PKNOX2: variants seen among roughly 807,000 people sequenced by gnomAD.
PKNOX2 encodes the protein PBX/knotted 1 homeobox 2, also known as homeobox protein PKNOX2.
Under a neutral mutation model 53.1 loss-of-function variants are expected in PKNOX2, and 14 were observed. That is an observed-to-expected ratio of 0.26 (90% CI 0.17 to 0.41). The LOEUF (loss-of-function observed/expected upper bound fraction) is 0.41. Ranked by LOEUF, PKNOX2 falls within the 10% of genes least tolerant of loss-of-function variation. The probability of loss-of-function intolerance (pLI) is 1.00; values close to 1 mark genes in which losing one functional copy is unlikely to be tolerated. For synonymous variants in PKNOX2, 257 were observed against 242.8 expected, an observed-to-expected ratio of 1.06 and a Z score of -0.54; for missense variants, 496 against 602.8, an observed-to-expected ratio of 0.82 and a Z score of 1.85.
chr11:125,348,124 CAA>C (rs1951091270), intron 3 of PKNOX2, among the ~76,000 whole-genome samples: 1 of 152,190 alleles, frequency 6.6e-6, no homozygotes, highest in East Asian at 1.9e-4. Flanking sequence ...CGCTGTGGCT[CAA>C]AGAGTTCCCC....
At chr11:125,231,742 A>G (rs980861973) in intron 1 of PKNOX2, among the ~76,000 whole-genome samples, 6 of 149,686 alleles carry the variant, frequency 4.0e-5, no homozygotes, top group Non-Finnish European at 7.4e-5. Flanking sequence ...GTGTGTGTGG[A>G]GAGAGAGAGA....
chr11:125,202,446 C>T (rs1321823665), intron 1 of PKNOX2, among the ~76,000 whole-genome samples: 1 of 152,224 alleles, frequency 6.6e-6, no homozygotes, highest in Non-Finnish European at 1.5e-5. Context: ...GACCCCATAC[C>T]CTCCAGGGAT....
rs1443926700 is a variant in PKNOX2, at chr11:125,368,016, C to T, written c.227+31C>T. 2 of 1,596,776 alleles carry T rather than the reference C, an allele frequency of 1.3e-6. 1 individual carries two copies. The highest frequency in any genetic ancestry group is 2.3e-5 in the South Asian group (2 of 88,392). ...AGACACTTCAGCTGTGTCTACAGCC[C>T]TCAACCAGCTTCAGGCCCAGCTCAG... On this transcript the variant is annotated intron_variant, in intron 5 of 12. Transcript: ENST00000298282.
intron 2 of PKNOX2, among the ~76,000 whole-genome samples, chr11:125,238,424 G>C (rs887427403): frequency 6.6e-6 from 1 of 152,198 alleles, no homozygotes; most frequent in African/African-American, 2.4e-5. Flanking sequence ...TATGTTATGG[G>C]ATGATGTTAT....
intron 4 of PKNOX2, among the ~76,000 whole-genome samples, chr11:125,359,095 A>AGACACCATCGGAAAGGCAGGAAGGTG (rs1311473324): frequency 0.026 from 3,730 of 145,590 alleles, 81 homozygotes; most frequent in East Asian, 0.065. Flanking sequence ...GCAGGAAGGT[A>AGACACCATCGGAAAGGCAGGAAGGTG]GACACCATCG....
intron 2 of PKNOX2, among the ~76,000 whole-genome samples, chr11:125,268,433 A>G (rs1945524450): frequency 6.6e-6 from 1 of 152,252 alleles, no homozygotes; most frequent in Admixed American, 6.5e-5. Flanking sequence ...CTCTGGGGTC[A>G]AACGTGGCAT....
intron 2 of PKNOX2, among the ~76,000 whole-genome samples, chr11:125,308,159 T>G (rs1327637061): frequency 6.6e-6 from 1 of 152,210 alleles, no homozygotes; most frequent in African/African-American, 2.4e-5. Flanking sequence ...TGGGATGGCC[T>G]TCCTTAGAAT....
intron 7 of PKNOX2, among the ~76,000 whole-genome samples, chr11:125,404,435 G>A (rs1954947434): frequency 6.6e-6 from 1 of 152,194 alleles, no homozygotes; most frequent in Non-Finnish European, 1.5e-5. Context: ...ACAAGAACAG[G>A]ATTAGGTGGC....
intron 1 of PKNOX2, among the ~76,000 whole-genome samples, chr11:125,222,882 C>A (rs1197945928): frequency 6.6e-6 from 1 of 152,038 alleles, no homozygotes; most frequent in Non-Finnish European, 1.5e-5. Context: ...GGTGACCCAG[C>A]AACTGGAGGA....
At chr11:125,317,313 T>A (rs754904446) in intron 2 of PKNOX2, among the ~76,000 whole-genome samples, 9 of 152,226 alleles carry the variant, frequency 5.9e-5, no homozygotes, top group Non-Finnish European at 1.2e-4. Context: ...CCTCCTCCCA[T>A]GAATCATGAA....
Position 125,431,590 on chromosome 11 carries a change from C to A in PKNOX2, c.*198C>A. 1 of 632,326 alleles carries A rather than the reference C, an allele frequency of 1.6e-6. No homozygotes were observed. Among genetic ancestry groups the A allele is most frequent in the Non-Finnish European group, 2.7e-6 (1 of 371,868 alleles). 39.2% of individuals were successfully genotyped at this position (632,326 alleles called of 1,614,324 possible). A position where few individuals can be genotyped will look rare whatever the true frequency, so the allele number is the denominator to read the frequency against. On this transcript the variant is annotated 3_prime_UTR_variant, in exon 13 of 13. Coordinates refer to ENST00000298282, the MANE Select transcript of PKNOX2 (RefSeq NM_001382323.2). The stretch of plus-strand genomic sequence containing the variant: ...CCGAGCTTCAATGAGGACCCCAGCC[C>A]CACTTCCCTGGAACTGCCGAGGACT...
intron 1 of PKNOX2, among the ~76,000 whole-genome samples, chr11:125,226,019 C>A (rs1941653145): frequency 6.6e-6 from 1 of 152,260 alleles, no homozygotes; most frequent in Non-Finnish European, 1.5e-5. Flanking sequence ...GGTGTGGCAA[C>A]TTGCCTCCTC....
intron 2 of PKNOX2, among the ~76,000 whole-genome samples, chr11:125,278,572 G>A (rs567121983): frequency 9.9e-5 from 15 of 152,158 alleles, no homozygotes; most frequent in East Asian, 9.6e-4. Flanking sequence ...TGAGGGCCTC[G>A]GGATGGCCGG....
chr11:125,173,957 G>T (rs1955515063), intron 1 of PKNOX2, among the ~76,000 whole-genome samples: 1 of 152,204 alleles, frequency 6.6e-6, no homozygotes, highest in African/African-American at 2.4e-5. Flanking sequence ...ATGGGTCTGT[G>T]CTGGAGTAGT....
At chr11:125,267,681 T>C (rs1945463839) in intron 2 of PKNOX2, among the ~76,000 whole-genome samples, 1 of 152,232 alleles carries the variant, frequency 6.6e-6, no homozygotes, top group African/African-American at 2.4e-5. Flanking sequence ...CCTGCTCATC[T>C]TTCTGATGGA....
intron 3 of PKNOX2, among the ~76,000 whole-genome samples, chr11:125,343,386 C>CTTT (rs71462895): frequency 6.7e-6 from 1 of 149,644 alleles, no homozygotes; most frequent in African/African-American, 2.5e-5. Flanking sequence ...AGCCAGCATG[C>CTTT]TTTTTTTTTT....
At chr11:125,277,255 T>C (rs1415829668) in intron 2 of PKNOX2, among the ~76,000 whole-genome samples, 3 of 151,980 alleles carry the variant, frequency 2.0e-5, no homozygotes, top group African/African-American at 7.3e-5. Context: ...GAAAAAACAA[T>C]AATAATAAAG....
intron 2 of PKNOX2, among the ~76,000 whole-genome samples, chr11:125,236,243 C>T (rs556349967): frequency 2.0e-5 from 3 of 152,278 alleles, no homozygotes; most frequent in Admixed American, 2.0e-4. Flanking sequence ...CAGCGCCGGT[C>T]GCCTCTGTGA....
intron 1 of PKNOX2, among the ~76,000 whole-genome samples, chr11:125,228,205 G>A (rs1430713451): frequency 6.6e-6 from 1 of 152,226 alleles, no homozygotes; most frequent in Non-Finnish European, 1.5e-5. Flanking sequence ...CAGTATGACA[G>A]CCACTAGCTA....
Sources: gnomAD v4.1 joint callset for allele counts (sites outside exome capture counted in the v4.1 genomes callset) on GRCh38, gnomAD v4.1.1 for gene constraint, MANE v1.5 for transcripts, NCBI Gene and HGNC (gene_info 2026-07-23, HGNC 2026-07-21) for gene names.